The following ZNF318 variants were observed in gnomAD, a reference collection of about 807,000 sequenced individuals.
ZNF318 encodes zinc finger protein 318.
In ZNF318, 51 loss-of-function variants were observed where a neutral mutation model predicts 124.2. The observed-to-expected ratio is 0.41, with a 90% confidence interval of 0.33 to 0.52. The LOEUF is 0.52. ZNF318 is among the 20% of genes least tolerant of loss of function. The probability of loss-of-function intolerance (pLI) is 0.23; values close to 1 mark genes in which losing one functional copy is unlikely to be tolerated. For synonymous variants in ZNF318, 1,090 were observed against 1,040.7 expected, an observed-to-expected ratio of 1.05 and a Z score of -0.91; for missense variants, 2,815 against 2,811.2, an observed-to-expected ratio of 1.00 and a Z score of -0.03.
At chr6:43,349,386 C>CTTTTTTTTTTT (rs369338217) in intron 5 of ZNF318, among the ~76,000 whole-genome samples, 1 of 124,172 alleles carries the variant, frequency 8.1e-6, no homozygotes, top group African/African-American at 2.9e-5. Context: ...TCTGGTTTAT[C>CTTTTTTTTTTT]TTTTTTTTTT....
chr6:43,338,104 C>T lies in ZNF318; in HGVS notation c.5894G>A (p.Arg1965Lys), dbSNP rs547750741. 11 of 1,613,380 alleles carry T rather than the reference C, an allele frequency of 6.8e-6. No individual in the cohort carries two copies. The highest frequency in any genetic ancestry group is 5.5e-5 in the South Asian group (5 of 90,976). The change falls in exon 10 of 10, where the codon AGG (arginine) becomes AAG (lysine). Residue 1965 changes from arginine (R) to lysine (K), a missense_variant. Physicochemically the swap from Arg to Lys is conservative, Grantham distance 26. Transcript: ENST00000361428. Reference protein sequence around the residue: ...ELAVWDENKKRPETWESPEKP... With the variant: ...ELAVWDENKKKPETWESPEKP... Reference sequence around the variant, plus strand: ...CTCTGGGCTCTCCCAGGTCTCTGGCCTCTTCTTGTTTTCATCCCAAACAGC... The same window carrying T: ...CTCTGGGCTCTCCCAGGTCTCTGGCTTCTTCTTGTTTTCATCCCAAACAGC...
rs1422285292 is a variant in ZNF318, at chr6:43,369,412, C to T, written c.-47G>A. On this transcript the variant is annotated 5_prime_UTR_variant, in exon 1 of 10. Transcript: ENST00000361428. ...GGCGACAGCTCTGACCCGGGGGCGC[C>T]CTAGACGCAGGCTCGGAGCGCGCCG... The T allele has an allele frequency of 4.3e-6, 5 of 1,170,126 alleles. No homozygotes were observed. Among genetic ancestry groups the T allele is most frequent in the Non-Finnish European group, 5.3e-6 (5 of 947,674 alleles). 72.5% of individuals were successfully genotyped at this position (1,170,126 alleles called of 1,614,324 possible).
chr6:43,364,750 A>G (rs578078700), intron 2 of ZNF318, among the ~76,000 whole-genome samples: 26 of 152,274 alleles, frequency 1.7e-4, no homozygotes, highest in African/African-American at 5.8e-4. Flanking sequence ...TCAGCACTCA[A>G]TAGTTGTAAA....
At position 43,348,476 on chromosome 6, in the gene ZNF318, C is replaced by A; in HGVS notation, c.2920G>T (p.Asp974Tyr). The A allele has an allele frequency of 1.2e-6, 2 of 1,614,090 alleles. No homozygotes were observed. Among genetic ancestry groups the A allele is most frequent in the Non-Finnish European group, 1.7e-6 (2 of 1,180,020 alleles). The change falls in exon 6 of 10, where the codon GAC (aspartate) becomes TAC (tyrosine). Residue 974 changes from aspartate to tyrosine, a missense_variant. Coordinates refer to ENST00000361428, the MANE Select transcript of ZNF318 (RefSeq NM_014345.3). ...EEAEKKQSELDKVAQILGINI... is the reference protein window; with the variant it reads ...EEAEKKQSELYKVAQILGINI... Reference sequence around the variant, plus strand: ...ATTCCCAAGATCTGAGCCACTTTGTCCAGTTCAGATTGCTTCTTTTCTGCC... The same window carrying A: ...ATTCCCAAGATCTGAGCCACTTTGTACAGTTCAGATTGCTTCTTTTCTGCC...
At chr6:43,348,052 G>A (rs1029070973) in intron 6 of ZNF318, among the ~76,000 whole-genome samples, 3 of 152,172 alleles carry the variant, frequency 2.0e-5, no homozygotes, top group African/African-American at 7.2e-5. Flanking sequence ...CAAGTTCTGA[G>A]AAGATCAGAA....
rs1365581865 is a variant in ZNF318, at chr6:43,339,974, T to A, written c.4024A>T (p.Thr1342Ser). The A allele has an allele frequency of 6.2e-7, 1 of 1,614,138 alleles. No homozygotes were observed. The highest frequency in any genetic ancestry group is 8.5e-7 in the Non-Finnish European group (1 of 1,180,018). ...GGTCGGATCTTAGTCTGTGTGGAAG[T>A]TGTCACAACAGGCATCCAAGGGCTG... is the stretch of plus-strand genomic sequence containing the variant. The part of the protein sequence containing the change: ...HTSPWMPVVT[T>S]STQTKIRPNL... Residue 1342 changes from threonine to serine, a missense_variant, in exon 10 of 10, where the codon ACT becomes TCT. Physicochemically the swap from Thr to Ser is moderately conservative, Grantham distance 58. This residue lies in a region of ZNF318 where 500 missense variants were observed against 605.2 expected (regional missense o/e 0.83). Transcript: ENST00000361428. This position sits in a 1 kb window ranked among gnomAD's most constrained non-coding sequence, Gnocchi z 4.2.
Position 43,338,576 on chromosome 6 carries a change from C to A in ZNF318, c.5422G>T (p.Asp1808Tyr). The A allele has an allele frequency of 6.2e-7, 1 of 1,614,132 alleles. No homozygotes were observed. Among genetic ancestry groups the A allele is most frequent in the Non-Finnish European group, 8.5e-7 (1 of 1,180,002 alleles). ...CTGTTTCCATGGTTCAAATTAGAAT[C>A]ATCTATGCTGTGGGGTCCAATGCTG... ...STSIGPHSID[D>Y]SNLNHGNRYM... Residue 1808 changes from aspartate (D) to tyrosine (Y), a missense_variant, in exon 10 of 10, where the codon GAT becomes TAT. Physicochemically the swap from Asp to Tyr is radical, Grantham distance 160 (BLOSUM62 -3). Coordinates refer to ENST00000361428, the MANE Select transcript of ZNF318 (RefSeq NM_014345.3).
At position 43,339,771 on chromosome 6, in the gene ZNF318, T is replaced by C. The variant is rs1052208820; in HGVS notation, c.4227A>G (p.Ala1409=). 1 of 1,614,040 alleles carries C rather than the reference T, an allele frequency of 6.2e-7. No individual in the cohort carries two copies. The highest frequency in any genetic ancestry group is 1.3e-5 in the African/African-American group (1 of 74,918). ...LLLPPDIISK[A]FGGEEVILKG... is the part of the protein sequence containing the mutation. ...TTAGAATCACCTCTTCCCCTCCAAA[T>C]GCTTTGGAGATGATGTCTGGAGGTA... Residue 1409 remains alanine (A), a synonymous_variant, in exon 10 of 10, where the codon GCA becomes GCG. Coordinates refer to ENST00000361428, the MANE Select transcript of ZNF318 (RefSeq NM_014345.3). The surrounding 1 kb of genome is among the most constrained non-coding windows in gnomAD (Gnocchi z 4.2).
intron 1 of ZNF318, chr6:43,368,656 G>A (rs1779792878): frequency 1.0e-6 from 1 of 984,826 alleles, no homozygotes; most frequent in Non-Finnish European, 1.2e-6. Flanking sequence ...AAAGTACCAA[G>A]ACACACGGTT....
intron 5 of ZNF318, 119 bp downstream of exon 5, chr6:43,352,258 A>AGAGTACCTGATAATTCT: frequency 1.3e-6 from 1 of 742,330 alleles, no homozygotes; most frequent in Non-Finnish European, 2.2e-6. Flanking sequence ...TGTAAGTTTA[A>AGAGTACCTGATAATTCT]TTACGTCAAA....
At position 43,369,344 on chromosome 6, in the gene ZNF318, A is replaced by G; in HGVS notation, c.22T>C (p.Ser8Pro). MYRSSAR[S>P]SVSSHRPKDD... ...TTAGGCCGGTGGGAAGAGACGGAGG[A>G]GCGAGCGCTGCTGCGGTACATGGTT... The change falls in exon 1 of 10, where the codon TCC becomes CCC. Residue 8 changes from serine (S) to proline (P), a missense_variant. Coordinates refer to ENST00000361428, the MANE Select transcript of ZNF318 (RefSeq NM_014345.3). 7.5e-7 allele frequency: 1 copy of G among 1,336,338 alleles called. No individual in the cohort carries two copies. The highest frequency in any genetic ancestry group is 9.7e-7 in the Non-Finnish European group (1 of 1,036,062). 82.8% of individuals were successfully genotyped at this position (1,336,338 alleles called of 1,614,324 possible).
At position 43,339,189 on chromosome 6, in the gene ZNF318, G is replaced by A. The variant is rs1208202746; in HGVS notation, c.4809C>T (p.Asn1603=). 1.2e-6 allele frequency: 2 copies of A among 1,614,168 alleles called. No individual in the cohort carries two copies. Among genetic ancestry groups the A allele is most frequent in the Non-Finnish European group, 1.7e-6 (2 of 1,180,040 alleles). Residue 1603 remains asparagine (N), a synonymous_variant, in exon 10 of 10, where the codon AAC becomes AAT. Coordinates refer to ENST00000361428, the MANE Select transcript of ZNF318 (RefSeq NM_014345.3). This position sits in a 1 kb window ranked among gnomAD's most constrained non-coding sequence, Gnocchi z 4.2. ...GGPLANGENS[N]LSRTKSSDTS... The stretch of plus-strand genomic sequence containing the variant: ...TGTCTGAACTTTTGGTTCTAGAGAG[G>A]TTGCTATTTTCCCCATTGGCCAATG...
chr6:43,365,330 C>T lies in ZNF318; in HGVS notation c.510G>A (p.Arg170=), dbSNP rs761188295. ...CCAGATTATCCACTGGTGACCCCAG[C>T]CGATCACTAAGCCGTCGCCGTTCTG... is the stretch of plus-strand genomic sequence containing the variant. ...STPERRRLSD[R]LGSPVDNLED... is the part of the protein sequence containing the mutation. The change falls in exon 2 of 10, where the codon CGG becomes CGA. Residue 170 remains arginine (R), a synonymous_variant. Transcript: ENST00000361428. 6.2e-7 allele frequency: 1 copy of T among 1,614,122 alleles called. No homozygotes were observed. Among genetic ancestry groups the T allele is most frequent in the Non-Finnish European group, 8.5e-7 (1 of 1,179,974 alleles).
chr6:43,365,247 C>T (rs375669954), intron 2 of ZNF318, 45 bp downstream of exon 2: 2 of 1,570,622 alleles, frequency 1.3e-6, no homozygotes, highest in South Asian at 1.1e-5. Context: ...AACATTTCTG[C>T]CTTCAAGTAC....
At chr6:43,352,741 T>C (rs534652034) in intron 4 of ZNF318, among the ~76,000 whole-genome samples, 1 of 152,352 alleles carries the variant, frequency 6.6e-6, no homozygotes, top group East Asian at 1.9e-4. Context: ...AACTATTAGA[T>C]AGTGGTTCTA....
At chr6:43,363,304 C>T (rs954986466) in intron 2 of ZNF318, among the ~76,000 whole-genome samples, 4 of 152,208 alleles carry the variant, frequency 2.6e-5, no homozygotes, top group African/African-American at 9.7e-5. Context: ...TTTCCCCAAA[C>T]AGAAGCAGCC....
rs191024918 is a variant in ZNF318 at position 43,355,621 on chromosome 6, C to T, written c.1713G>A (p.Pro571=). 5.1e-5 allele frequency: 82 copies of T among 1,614,174 alleles called. No homozygotes were observed. In the East Asian group the frequency reaches 7.6e-4, roughly 15 times the overall value. Residue 571 remains proline (P), a synonymous_variant, in exon 4 of 10, where the codon CCG becomes CCA. Transcript: ENST00000361428. The stretch of plus-strand genomic sequence containing the variant: ...CTAGCTTTACAGCTGGAGCTGAAGA[C>T]GGCAGGGAGCTTGCCTTCTGCCTCA... ...EVMRQKASSL[P]SSAPAVKLES...
chr6:43,342,075 G>A, intron 8 of ZNF318, 37 bp downstream of exon 8: 2 of 1,572,264 alleles, frequency 1.3e-6, no homozygotes, highest in South Asian at 1.1e-5. Context: ...TCAACTGAAT[G>A]TAAGGAAACC....
In ZNF318 at chr6:43,357,273, A is replaced by T; in HGVS notation, c.1041T>A (p.Thr347=). 1 of 1,614,210 alleles carries T rather than the reference A, an allele frequency of 6.2e-7. No individual in the cohort carries two copies. Among genetic ancestry groups the T allele is most frequent in the South Asian group, 1.1e-5 (1 of 91,088 alleles). The change falls in exon 3 of 10, where the codon ACT becomes ACA. Residue 347 remains threonine, a synonymous_variant. Transcript: ENST00000361428. ...QELVGVDGGG[T]GCSIPGLSGV... ...CTGACAATCCAGGGATGGAACAGCC[A>T]GTACCACCACCATCAACTCCAACCA...
Sources: allele counts gnomAD v4.1 joint callset (sites outside exome capture counted in the v4.1 genomes callset), GRCh38; gene constraint gnomAD v4.1.1; regional missense constraint gnomAD v4.1.1; non-coding constraint Gnocchi (gnomAD v3.1); transcripts MANE v1.5; gene names NCBI Gene and HGNC (gene_info 2026-07-23, HGNC 2026-07-21).